CYP3A4: variants seen among roughly 807,000 people sequenced by gnomAD.
The protein encoded by CYP3A4 is cytochrome P450 family 3 subfamily A member 4.
CYP3A4 carries 41 observed loss-of-function variants against 54.9 expected under a neutral mutation model. The ratio of observed to expected loss-of-function variants is 0.75; its 90% CI spans 0.58 to 0.97. The LOEUF is 0.97. Ranked by LOEUF, CYP3A4 falls within the 50% of genes least tolerant of loss-of-function variation. CYP3A4 has a pLI of 0.00. For missense variants in CYP3A4, 510 were observed against 597.3 expected (o/e 0.85, Z 1.52); for synonymous variants, 179 against 205.2 (o/e 0.87, Z 1.09).
chr7:99,777,831 T>C (rs1563045017), intron 3 of CYP3A4, among the ~76,000 whole-genome samples, 197 bp downstream of exon 3: 1 of 152,186 alleles, frequency 6.6e-6, no homozygotes, highest in African/African-American at 2.4e-5. Flanking sequence ...ACATAGTTTA[T>C]AAAGGCATGC....
At chr7:99,764,075 G>T in intron 9 of CYP3A4, 60 bp from the exon 10 acceptor site, 11 of 1,609,200 alleles carry the variant, frequency 6.8e-6, no homozygotes, top group African/African-American at 5.3e-5. Flanking sequence ...TCACAGTTTA[G>T]ATGAAGAGAA....
intron 12 of CYP3A4, among the ~76,000 whole-genome samples, chr7:99,759,916 G>T (rs777839255): frequency 6.6e-6 from 1 of 151,960 alleles, no homozygotes; most frequent in East Asian, 1.9e-4. Flanking sequence ...CTCACTGCAG[G>T]CTCCGCTCCC....
chr7:99,761,708 G>GA (rs1199441865), intron 11 of CYP3A4, among the ~76,000 whole-genome samples: 1 of 151,978 alleles, frequency 6.6e-6, no homozygotes, highest in Non-Finnish European at 1.5e-5. Flanking sequence ...TTATATTTAT[G>GA]AAAAAAATAT....
At chr7:99,763,002 AT>A (rs1815378824) in intron 10 of CYP3A4, among the ~76,000 whole-genome samples, 1 of 152,214 alleles carries the variant, frequency 6.6e-6, no homozygotes, top group Non-Finnish European at 1.5e-5. Context: ...TTGGTGTTAT[AT>A]TTGGAAGGCA....
chr7:99,767,669 C>T (rs1411566957), intron 7 of CYP3A4, among the ~76,000 whole-genome samples: 4 of 152,062 alleles, frequency 2.6e-5, no homozygotes, highest in African/African-American at 9.7e-5. Context: ...TGTCACCTAT[C>T]ATGGAATAAA....
intron 4 of CYP3A4, 77 bp from the exon 5 acceptor site, chr7:99,770,312 G>A: frequency 7.5e-7 from 1 of 1,335,242 alleles, no homozygotes. Flanking sequence ...GTGTTAAACA[G>A]GAACACTTAT....
At chr7:99,782,559 G>A (rs1418081912) in intron 1 of CYP3A4, among the ~76,000 whole-genome samples, 1 of 152,108 alleles carries the variant, frequency 6.6e-6, no homozygotes. Context: ...GACACAGATG[G>A]TGCCTCTGTG....
rs202138940 is a variant in CYP3A4 at position 99,767,296 on chromosome 7, C to T, written c.671-38G>A. ...CAAAACAAAAACAGAAAAAGAAATT[C>T]ATTGTGAATGTGCAAAATTTACCTG... On this transcript the variant is annotated intron_variant, in intron 7 of 12. Transcript: ENST00000651514. 23 of 1,541,694 alleles carry T rather than the reference C, an allele frequency of 1.5e-5. No individual in the cohort carries two copies. In the East Asian group the frequency reaches 4.8e-4, roughly 32 times the overall value.
At chr7:99,770,370 G>T in intron 4 of CYP3A4, 135 bp from the exon 5 acceptor site, 1 of 591,928 alleles carries the variant, frequency 1.7e-6, no homozygotes, top group Non-Finnish European at 2.7e-6. Flanking sequence ...CCCTATGCTA[G>T]ATGCTCAATA....
intron 12 of CYP3A4, among the ~76,000 whole-genome samples, chr7:99,759,281 A>G (rs1815255912): frequency 6.6e-6 from 1 of 152,260 alleles, no homozygotes; most frequent in African/African-American, 2.4e-5. Flanking sequence ...GGTATTGTTT[A>G]ATATGAATCA....
chr7:99,764,030 AAGAC>A lies in CYP3A4; in HGVS notation c.866-19_866-16del, dbSNP rs1250868163. ...ATCGGACAGAGCTGAAAGGAGAGGAAAGACATTTTAGGTAAATCAGATCAATGTA... is the reference window on the plus strand; with the variant it reads ...ATCGGACAGAGCTGAAAGGAGAGGAAATTTTAGGTAAATCAGATCAATGTA... On this transcript the variant is annotated splice_polypyrimidine_tract_variant and intron_variant, in intron 9 of 12. Transcript: ENST00000651514. 6.2e-7 allele frequency: 1 copy of A among 1,613,780 alleles called. No individual in the cohort carries two copies. The highest frequency in any genetic ancestry group is 2.2e-5 in the East Asian group (1 of 44,840).
intron 6 of CYP3A4, 152 bp from the exon 7 acceptor site, chr7:99,768,654 G>A: frequency 2.0e-6 from 3 of 1,485,686 alleles, no homozygotes; most frequent in Non-Finnish European, 2.8e-6. Flanking sequence ...CACTCCATCA[G>A]AAGGTGTTAT....
chr7:99,761,222 C>T (rs977842843), intron 11 of CYP3A4, among the ~76,000 whole-genome samples: 11 of 152,080 alleles, frequency 7.2e-5, no homozygotes, highest in Non-Finnish European at 1.5e-5. Context: ...AATAGTGTTG[C>T]AAAGAATACT....
At chr7:99,769,570 G>A (rs1815573055) in intron 6 of CYP3A4, 198 bp downstream of exon 6, 5 of 605,090 alleles carry the variant, frequency 8.3e-6, no homozygotes, top group South Asian at 1.9e-5. Context: ...GTGCACAGGG[G>A]AGAAGATCCT....
chr7:99,777,184 G>T (rs1008565635), intron 3 of CYP3A4, among the ~76,000 whole-genome samples: 1 of 151,982 alleles, frequency 6.6e-6, no homozygotes, highest in Non-Finnish European at 1.5e-5. Flanking sequence ...GGAAGGAGAT[G>T]ATATGATGTA....
intron 12 of CYP3A4, 148 bp from the exon 13 acceptor site, chr7:99,758,376 G>GC: frequency 1.1e-6 from 1 of 872,576 alleles, no homozygotes; most frequent in Admixed American, 2.2e-5. Context: ...CAAAAAAAAT[G>GC]CAGTAATGAC....
chr7:99,769,033 C>G (rs1258874874), intron 6 of CYP3A4, among the ~76,000 whole-genome samples: 1 of 152,074 alleles, frequency 6.6e-6, no homozygotes, highest in Non-Finnish European at 1.5e-5. Flanking sequence ...TTCCACTATC[C>G]CCAGCTGTGG....
In CYP3A4 at chr7:99,770,041, G is replaced by A. The variant is rs1225246994; in HGVS notation, c.432+81C>T. On this transcript the variant is annotated intron_variant, in intron 5 of 12. Transcript: ENST00000651514. ...AATTCAGTGGACTACCCCTTGGAAA[G>A]GGACTGTGATCTTATTTTATACCTG... 5.2e-6 allele frequency: 8 copies of A among 1,539,386 alleles called. No homozygotes were observed. The Admixed American group carries it at 1.4e-4, about 26-fold the overall frequency.
chr7:99,759,496 A>G (rs1815262694), intron 12 of CYP3A4, among the ~76,000 whole-genome samples: 1 of 152,212 alleles, frequency 6.6e-6, no homozygotes. Context: ...AGCTTAATAT[A>G]TGTATGCAAG....
Sources: gnomAD v4.1 joint callset for allele counts (sites outside exome capture counted in the v4.1 genomes callset) on GRCh38, gnomAD v4.1.1 for gene constraint, MANE v1.5 for transcripts, NCBI Gene and HGNC (gene_info 2026-07-23, HGNC 2026-07-21) for gene names.